The following CCDC148 variants were observed in gnomAD, a reference collection of about 807,000 sequenced individuals.
The protein encoded by CCDC148 is coiled-coil domain-containing protein 148.
Under a neutral mutation model 85.7 loss-of-function variants are expected in CCDC148, and 89 were observed. That is an observed-to-expected ratio of 1.04 (90% CI 0.87 to 1.24). The LOEUF (loss-of-function observed/expected upper bound fraction) is 1.24, where lower values mean the gene tolerates loss of function less well. Among genes scored for constraint, CCDC148 ranks in the 50% most tolerant of loss-of-function variants. The pLI is 0.00. For synonymous variants in CCDC148, 230 were observed against 213.9 expected, an observed-to-expected ratio of 1.08 and a Z score of -0.66; for missense variants, 692 against 671.7, an observed-to-expected ratio of 1.03 and a Z score of -0.33.
At chr2:158,181,639 A>G (rs536797830) in intron 11 of CCDC148, among the ~76,000 whole-genome samples, 1 of 152,272 alleles carries the variant, frequency 6.6e-6, no homozygotes, top group Non-Finnish European at 1.5e-5. Flanking sequence ...GGAATGCACC[A>G]GGAGGGGAGA....
Position 158,200,284 on chromosome 2 carries a change from G to A in CCDC148, c.1370+20311C>T, listed in dbSNP as rs1685890177. Among the ~76,000 whole-genome samples, 3 of 152,140 alleles carry A rather than the reference G, an allele frequency of 2.0e-5. No individual in the cohort carries two copies. In the South Asian group the frequency reaches 6.2e-4, roughly 31 times the overall value. The stretch of plus-strand genomic sequence containing the variant: ...GGAATGCTGTTTAATTTAAAGTCTT[G>A]TAGGATGCTCCTTATTTTTGATTTG... On this transcript the variant is annotated intron_variant, in intron 11 of 13. Coordinates refer to ENST00000283233, the MANE Select transcript of CCDC148 (RefSeq NM_138803.4).
intron 1 of CCDC148, among the ~76,000 whole-genome samples, chr2:158,442,949 G>A (rs574414133): frequency 2.0e-5 from 3 of 152,178 alleles, no homozygotes; most frequent in Non-Finnish European, 4.4e-5. Context: ...CGCCTGCAAA[G>A]GTTTCCATTC....
At chr2:158,330,935 T>G (rs149230509) in intron 7 of CCDC148, among the ~76,000 whole-genome samples, 1,546 of 152,292 alleles carry the variant, frequency 0.01, 13 homozygotes, top group Middle Eastern at 0.071. Flanking sequence ...AGTCTATCAA[T>G]TTTGTTGATC....
intron 10 of CCDC148, among the ~76,000 whole-genome samples, chr2:158,238,216 A>G (rs1688197074): frequency 6.6e-6 from 1 of 152,030 alleles, no homozygotes; most frequent in Non-Finnish European, 1.5e-5. Flanking sequence ...AAGAGCTAGA[A>G]AAAGGGGGAT....
At position 158,436,293 on chromosome 2, in the gene CCDC148, C is replaced by T. The variant is rs147222301; in HGVS notation, c.25+20122G>A. On this transcript the variant is annotated intron_variant, in intron 1 of 13. Coordinates refer to ENST00000283233, the MANE Select transcript of CCDC148 (RefSeq NM_138803.4). ...ACAAACTGTCTCTCGGACCACAGTG[C>T]AATCAAACTAGAACTTAGGATTAAG... Among the ~76,000 whole-genome samples the T allele has an allele frequency of 1.6e-4, 24 of 152,308 alleles. No individual in the cohort carries two copies. In the East Asian group the frequency reaches 4.6e-3, roughly 29 times the overall value.
At chr2:158,431,158 AT>A (rs1437623066) in intron 1 of CCDC148, among the ~76,000 whole-genome samples, 2 of 152,046 alleles carry the variant, frequency 1.3e-5, no homozygotes, top group Non-Finnish European at 2.9e-5. Context: ...GAGGAAAAAA[AT>A]AATTTAAAAA....
chr2:158,433,642 A>G (rs1323212412), intron 1 of CCDC148, among the ~76,000 whole-genome samples: 1 of 152,134 alleles, frequency 6.6e-6, no homozygotes, highest in Admixed American at 6.6e-5. Flanking sequence ...CAGTGGGTGC[A>G]GCACACCAAG....
At chr2:158,278,850 C>T (rs1690105424) in intron 9 of CCDC148, among the ~76,000 whole-genome samples, 1 of 152,328 alleles carries the variant, frequency 6.6e-6, no homozygotes, top group East Asian at 1.9e-4. Flanking sequence ...ACCCCTGACC[C>T]CTGAGCAGCC....
intron 7 of CCDC148, among the ~76,000 whole-genome samples, chr2:158,317,047 C>A (rs1692312981): frequency 6.6e-6 from 1 of 152,112 alleles, no homozygotes. Flanking sequence ...AATTCAACTG[C>A]TTTGCTGGTG....
intron 1 of CCDC148, among the ~76,000 whole-genome samples, chr2:158,381,452 AAGAT>A (rs1684866022): frequency 6.6e-6 from 1 of 152,130 alleles, no homozygotes; most frequent in Non-Finnish European, 1.5e-5. Context: ...TGAAATGAAA[AAGAT>A]AGAAAATACC....
chr2:158,214,123 A>T (rs989093682), intron 11 of CCDC148, among the ~76,000 whole-genome samples: 1,247 of 7,770 alleles, frequency 0.16, 19 homozygotes, highest in African/African-American at 0.19. Flanking sequence ...CATTGTGGTA[A>T]AAAAAAAAAA....
chr2:158,383,154 A>T (rs1684948825), intron 1 of CCDC148, among the ~76,000 whole-genome samples: 1 of 151,178 alleles, frequency 6.6e-6, no homozygotes, highest in African/African-American at 2.4e-5. Flanking sequence ...AAAAAAAAAT[A>T]AAATAAATAA....
intron 9 of CCDC148, among the ~76,000 whole-genome samples, chr2:158,282,266 A>C (rs919872061): frequency 6.6e-6 from 1 of 152,200 alleles, no homozygotes; most frequent in Non-Finnish European, 1.5e-5. Context: ...TAGTGTTGGA[A>C]GTTCTGGCCA....
chr2:158,317,991 T>C (rs964186697), intron 7 of CCDC148, among the ~76,000 whole-genome samples: 1 of 152,206 alleles, frequency 6.6e-6, no homozygotes, highest in Non-Finnish European at 1.5e-5. Flanking sequence ...TCAATTAATG[T>C]GGATGACAGA....
At chr2:158,368,534 C>T (rs1021034779) in intron 1 of CCDC148, among the ~76,000 whole-genome samples, 1 of 152,004 alleles carries the variant, frequency 6.6e-6, no homozygotes, top group Non-Finnish European at 1.5e-5. Flanking sequence ...TAAATTATTC[C>T]ATATTCACAT....
intron 10 of CCDC148, among the ~76,000 whole-genome samples, chr2:158,242,056 T>A (rs1443667883): frequency 6.6e-6 from 1 of 151,740 alleles, no homozygotes; most frequent in Non-Finnish European, 1.5e-5. Flanking sequence ...CTGCATGCCC[T>A]ATGCTGTAAT....
chr2:158,253,336 C>T (rs1402868), intron 9 of CCDC148, among the ~76,000 whole-genome samples: 148,115 of 151,712 alleles, frequency 0.98, 72,395 homozygotes, highest in East Asian at 1. Flanking sequence ...AGTAGCGTTC[C>T]TCCTCTGCCT....
chr2:158,195,259 TC>T (rs1042004796), intron 11 of CCDC148, among the ~76,000 whole-genome samples: 2 of 151,930 alleles, frequency 1.3e-5, no homozygotes, highest in African/African-American at 4.8e-5. Flanking sequence ...CTTTTCCATT[TC>T]CCCCCATATA....
chr2:158,309,836 T>C (rs1027283046), intron 8 of CCDC148, among the ~76,000 whole-genome samples, 197 bp from the exon 9 acceptor site: 2 of 152,248 alleles, frequency 1.3e-5, no homozygotes, highest in Non-Finnish European at 2.9e-5. Flanking sequence ...AATTGGTGAC[T>C]GAGGACAAGT....
Sources: gnomAD v4.1 joint callset for allele counts (sites outside exome capture counted in the v4.1 genomes callset) on GRCh38, gnomAD v4.1.1 for gene constraint, MANE v1.5 for transcripts, NCBI Gene and HGNC (gene_info 2026-07-23, HGNC 2026-07-21) for gene names.